Variants in PCDHA10 observed in about 807,000 individuals in gnomAD.
The protein encoded by PCDHA10 is protocadherin alpha-10.
PCDHA10 carries 45 observed loss-of-function variants against 61.2 expected under a neutral mutation model. That is an observed-to-expected ratio of 0.74 (90% CI 0.58 to 0.94). The LOEUF is 0.94. PCDHA10 is among the 40% of genes least tolerant of loss of function. The pLI is 0.00. For missense variants in PCDHA10, 1,278 were observed against 1,236.2 expected (o/e 1.03, Z -0.51); for synonymous variants, 602 against 548.8 (o/e 1.10, Z -1.35).
At chr5:140,936,340 C>T (rs1346812812) in intron 1 of PCDHA10, among the ~76,000 whole-genome samples, 1 of 152,102 alleles carries the variant, frequency 6.6e-6, no homozygotes, top group Non-Finnish European at 1.5e-5. Flanking sequence ...TCTCTATCTG[C>T]ATATATGGAA....
chr5:141,010,052 A>G lies in PCDHA10; in HGVS notation c.*115A>G. The stretch of plus-strand genomic sequence containing the variant: ...CTACATGAGCCCTCTTAGAGACCTC[A>G]GAAATCTGCAGAAAGTTCCCTGTGT... On this transcript the variant is annotated 3_prime_UTR_variant, in exon 4 of 4. Coordinates refer to ENST00000307360, the MANE Select transcript of PCDHA10 (RefSeq NM_018901.4). The G allele has an allele frequency of 1.3e-6, 2 of 1,598,970 alleles. No homozygotes were observed. Among genetic ancestry groups the G allele is most frequent in the Non-Finnish European group, 1.7e-6 (2 of 1,172,814 alleles).
At chr5:140,995,491 AG>A (rs1467871177) in intron 3 of PCDHA10, among the ~76,000 whole-genome samples, 5 of 152,224 alleles carry the variant, frequency 3.3e-5, no homozygotes, top group Non-Finnish European at 5.9e-5. Context: ...TTTCAGACTA[AG>A]GTTGACTGTG....
rs1406049950 is a variant in PCDHA10 at position 140,857,643 on chromosome 5, T to C, written c.1595T>C (p.Phe532Ser). The change falls in exon 1 of 4, where the codon TTC (phenylalanine) becomes TCC (serine). Residue 532 changes from phenylalanine to serine, a missense_variant. By Grantham distance (155) the Phe-to-Ser change is radical. Coordinates refer to ENST00000307360, the MANE Select transcript of PCDHA10 (RefSeq NM_018901.4). ...CACGAGGAGCTGGAGCTGCTACAGT[T>C]CCAGGTGAGCGCGCGCGATGGGGGC... ...LDHEELELLQ[F>S]QVSARDGGVP... is the part of the protein sequence containing the mutation. 4.4e-6 allele frequency: 7 copies of C among 1,596,508 alleles called. No homozygotes were observed. Among genetic ancestry groups the C allele is most frequent in the Non-Finnish European group, 5.1e-6 (6 of 1,167,718 alleles).
chr5:140,921,741 A>AT (rs1554200411), intron 1 of PCDHA10, among the ~76,000 whole-genome samples: 1 of 152,202 alleles, frequency 6.6e-6, no homozygotes, highest in Non-Finnish European at 1.5e-5. Context: ...AATTATAAGC[A>AT]TAACAGGACA....
At position 140,858,007 on chromosome 5, in the gene PCDHA10, T is replaced by A. The variant is rs1383838363; in HGVS notation, c.1959T>A (p.His653Gln). The stretch of plus-strand genomic sequence containing the variant: ...GCCTACTGGTGCTGGTGAAGGACCA[T>A]GGCGAGCCGTCGCTGACGGCCACGG... ...RQRLLVLVKD[H>Q]GEPSLTATAT... The change falls in exon 1 of 4, where the codon CAT becomes CAA. Residue 653 changes from histidine (H) to glutamine (Q), a missense_variant. By Grantham distance (24) the His-to-Gln change is conservative (BLOSUM62 0). Coordinates refer to ENST00000307360, the MANE Select transcript of PCDHA10 (RefSeq NM_018901.4). The A allele has an allele frequency of 8.8e-6, 14 of 1,596,616 alleles. 1 individual carries two copies. Among genetic ancestry groups the A allele is most frequent in the Non-Finnish European group, 1.1e-5 (13 of 1,167,062 alleles).
chr5:140,954,411 G>A (rs246022), intron 1 of PCDHA10, among the ~76,000 whole-genome samples: 85,294 of 151,642 alleles, frequency 0.56, 24,563 homozygotes, highest in African/African-American at 0.69. Flanking sequence ...ACAGGGTAAA[G>A]GTGTTCCTTT....
chr5:140,954,390 C>A (rs2095030202), intron 1 of PCDHA10, among the ~76,000 whole-genome samples: 1 of 152,204 alleles, frequency 6.6e-6, no homozygotes, highest in South Asian at 2.1e-4. Context: ...AACTAATTTA[C>A]AACCCCACCA....
intron 3 of PCDHA10, among the ~76,000 whole-genome samples, chr5:140,987,400 C>T (rs1554249169): frequency 1.3e-5 from 2 of 152,090 alleles, no homozygotes; most frequent in Middle Eastern, 3.2e-3. Context: ...AGGAAGCCAT[C>T]TGTTTATGGT....
chr5:140,907,864 G>A (rs1033952784), intron 1 of PCDHA10, among the ~76,000 whole-genome samples: 3 of 152,202 alleles, frequency 2.0e-5, no homozygotes, highest in African/African-American at 7.2e-5. Context: ...GAGGCCAGCC[G>A]TTGGTGAGCA....
intron 1 of PCDHA10, chr5:140,884,520 C>G (rs782029549): frequency 4.3e-6 from 7 of 1,613,918 alleles, no homozygotes; most frequent in Middle Eastern, 1.6e-4. Flanking sequence ...TGGTCGTACT[C>G]GCAGCAGAGG....
intron 3 of PCDHA10, among the ~76,000 whole-genome samples, chr5:141,000,383 C>G (rs1324907388): frequency 4.7e-5 from 3 of 63,178 alleles, no homozygotes; most frequent in South Asian, 1.1e-3. Flanking sequence ...CTCTCTCTCT[C>G]TCTCTCTCTC....
chr5:140,955,641 A>G (rs173471), intron 1 of PCDHA10, among the ~76,000 whole-genome samples: 85,644 of 151,978 alleles, frequency 0.56, 24,753 homozygotes, highest in African/African-American at 0.69. Flanking sequence ...TGTGAGAACA[A>G]ATTAATACAC....
At chr5:140,905,704 T>C (rs960569704) in intron 1 of PCDHA10, among the ~76,000 whole-genome samples, 2 of 152,242 alleles carry the variant, frequency 1.3e-5, no homozygotes, top group African/African-American at 4.8e-5. Context: ...TCATTTATGA[T>C]TTCCTTCAGC....
chr5:141,010,618 G>T lies in PCDHA10; in HGVS notation c.*681G>T. The T allele has an allele frequency of 5.2e-6, 1 of 191,706 alleles. No individual in the cohort carries two copies. The highest frequency in any genetic ancestry group is 1.1e-5 in the Non-Finnish European group (1 of 92,168). 11.9% of individuals were successfully genotyped at this position (191,706 alleles called of 1,614,324 possible). ...TGTGACGTCATTATACCTAAAATCT[G>T]CATCATACCTGCAAGCCAACAGTTC... is the stretch of plus-strand genomic sequence containing the variant. On this transcript the variant is annotated 3_prime_UTR_variant, in exon 4 of 4. Coordinates refer to ENST00000307360, the MANE Select transcript of PCDHA10 (RefSeq NM_018901.4).
intron 2 of PCDHA10, among the ~76,000 whole-genome samples, chr5:140,981,175 T>C (rs1350828084): frequency 6.6e-6 from 1 of 152,238 alleles, no homozygotes; most frequent in African/African-American, 2.4e-5. Context: ...TTCCCTCTAA[T>C]AGTTCAAGTT....
At chr5:140,877,526 G>T (rs1554169807) in intron 1 of PCDHA10, 2 of 1,613,676 alleles carry the variant, frequency 1.2e-6, no homozygotes, top group African/African-American at 2.7e-5. Context: ...GCCTCAGTGG[G>T]CGCTGTGGAT....
At chr5:140,996,655 A>G (rs974466773) in intron 3 of PCDHA10, among the ~76,000 whole-genome samples, 5 of 152,226 alleles carry the variant, frequency 3.3e-5, no homozygotes, top group African/African-American at 1.2e-4. Context: ...TCCTGGGTGC[A>G]GGCTAGTTTT....
At chr5:140,921,134 C>G (rs2080042608) in intron 1 of PCDHA10, among the ~76,000 whole-genome samples, 1 of 111,400 alleles carries the variant, frequency 9.0e-6, no homozygotes, top group African/African-American at 3.7e-5. Flanking sequence ...GTGCACACCA[C>G]TACACCCAGC....
At chr5:140,960,785 A>C (rs1452809407) in intron 1 of PCDHA10, among the ~76,000 whole-genome samples, 2 of 152,200 alleles carry the variant, frequency 1.3e-5, no homozygotes, top group Admixed American at 1.3e-4. Context: ...AGGGCCAAAC[A>C]AGGTTTCTAT....
Sources: gnomAD v4.1 joint callset for allele counts (sites outside exome capture counted in the v4.1 genomes callset) on GRCh38, gnomAD v4.1.1 for gene constraint, MANE v1.5 for transcripts, NCBI Gene and HGNC (gene_info 2026-07-23, HGNC 2026-07-21) for gene names.